Variants in DNAH2 observed in about 807,000 individuals in gnomAD.
DNAH2 encodes dynein axonemal heavy chain 2.
A neutral mutation model predicts 523.5 loss-of-function variants in DNAH2; 323 were observed. That is an observed-to-expected ratio of 0.62 (90% confidence interval 0.56 to 0.68). DNAH2 has a LOEUF of 0.68. DNAH2 is among the 30% of genes least tolerant of loss of function. The pLI is 0.00. For synonymous variants in DNAH2, 2,093 were observed against 2,177.4 expected (o/e 0.96, Z 1.08); for missense variants, 4,907 against 5,701.5 (o/e 0.86, Z 4.49).
intron 58 of DNAH2, among the ~76,000 whole-genome samples, chr17:7,803,801 G>A (rs374523088): frequency 1.4e-4 from 19 of 135,670 alleles, no homozygotes; most frequent in Non-Finnish European, 2.6e-4. Context: ...ATAACAAGAC[G>A]CCATCTCTAC....
intron 22 of DNAH2, among the ~76,000 whole-genome samples, chr17:7,767,402 G>A (rs1027321920): frequency 6.6e-6 from 1 of 152,062 alleles, no homozygotes; most frequent in African/African-American, 2.4e-5. Context: ...ATGAACACGC[G>A]TGTACTTGTA....
Position 7,799,251 on chromosome 17 carries a change from T to C in DNAH2, c.8699+9T>C, listed in dbSNP as rs1338328806. On this transcript the variant is annotated intron_variant, in intron 56 of 85. Coordinates refer to ENST00000572933, the MANE Select transcript of DNAH2 (RefSeq NM_020877.5). The stretch of plus-strand genomic sequence containing the variant: ...ATGGGGGATCCCTTCAGGTGACTTC[T>C]GTGACATCCTTCTCTCAGCCCCTTC... The C allele has an allele frequency of 1.9e-6, 3 of 1,613,276 alleles. No individual in the cohort carries two copies. The highest frequency in any genetic ancestry group is 1.7e-5 in the Admixed American group (1 of 60,006).
chr17:7,742,274 A>G (rs1303648142), intron 11 of DNAH2, among the ~76,000 whole-genome samples: 2 of 152,094 alleles, frequency 1.3e-5, no homozygotes, highest in Non-Finnish European at 2.9e-5. Context: ...TACTAAAAAT[A>G]CAAAAAGTTA....
At chr17:7,808,770 C>T (rs563536451) in intron 63 of DNAH2, among the ~76,000 whole-genome samples, 2 of 152,204 alleles carry the variant, frequency 1.3e-5, no homozygotes, top group South Asian at 4.2e-4. Context: ...CCACCACGCC[C>T]GGCTGATTTT....
chr17:7,763,360 G>A (rs960103836), intron 18 of DNAH2, among the ~76,000 whole-genome samples: 6 of 152,070 alleles, frequency 3.9e-5, no homozygotes, highest in Admixed American at 6.6e-5. Flanking sequence ...GGGTTTCACC[G>A]TGGTCTCGAT....
chr17:7,804,568 G>A (rs2077314185), intron 59 of DNAH2, 102 bp downstream of exon 59: 8 of 1,329,218 alleles, frequency 6.0e-6, no homozygotes, highest in Non-Finnish European at 8.3e-6. Flanking sequence ...TTTAGTGACT[G>A]GGTGCAGTGG....
At chr17:7,811,266 A>T (rs2077510210) in intron 63 of DNAH2, among the ~76,000 whole-genome samples, 1 of 152,236 alleles carries the variant, frequency 6.6e-6, no homozygotes, top group Non-Finnish European at 1.5e-5. Context: ...CAATATACAG[A>T]AATTCCACAA....
chr17:7,803,589 G>T (rs1191206909), intron 58 of DNAH2, among the ~76,000 whole-genome samples: 1 of 152,130 alleles, frequency 6.6e-6, no homozygotes, highest in Non-Finnish European at 1.5e-5. Flanking sequence ...AGAATCATTT[G>T]AACCCGGGAG....
At chr17:7,809,268 G>C (rs916505966) in intron 63 of DNAH2, among the ~76,000 whole-genome samples, 1 of 152,108 alleles carries the variant, frequency 6.6e-6, no homozygotes, top group East Asian at 1.9e-4. Flanking sequence ...TCACTGGCTC[G>C]TCACCGTCAG....
At chr17:7,770,095 A>G (rs2076274278) in intron 24 of DNAH2, among the ~76,000 whole-genome samples, 157 bp from the exon 25 acceptor site, 1 of 152,180 alleles carries the variant, frequency 6.6e-6, no homozygotes, top group South Asian at 2.1e-4. Context: ...CAATCTTCGT[A>G]TTCCCCTGGT....
chr17:7,727,491 C>T (rs1218174206), intron 4 of DNAH2, among the ~76,000 whole-genome samples, 199 bp downstream of exon 4: 1 of 152,126 alleles, frequency 6.6e-6, no homozygotes, highest in Non-Finnish European at 1.5e-5. Context: ...CGGTGGCTCA[C>T]GCCTGTAATC....
At chr17:7,730,944 G>C (rs2074965517) in intron 4 of DNAH2, among the ~76,000 whole-genome samples, 1 of 151,980 alleles carries the variant, frequency 6.6e-6, no homozygotes, top group Non-Finnish European at 1.5e-5. Flanking sequence ...GTGAAACCCT[G>C]TCTCTACTAA....
rs375350675 is a variant in DNAH2 at position 7,807,973 on chromosome 17, C to T, written c.9729+387C>T. Among the ~76,000 whole-genome samples, 1 of 152,158 alleles carries T rather than the reference C, an allele frequency of 6.6e-6. No homozygotes were observed. The highest frequency in any genetic ancestry group is 2.4e-5 in the African/African-American group (1 of 41,434). On this transcript the variant is annotated intron_variant, in intron 63 of 85. Transcript: ENST00000572933. The surrounding 1 kb of genome is among the most constrained non-coding windows in gnomAD (Gnocchi z 5.6). Reference sequence around the variant, plus strand: ...TGTCGCTTCTGTGGACCAAGAACAACGTGAGGGTGTCTGTGCATATGTTGT... The same window carrying T: ...TGTCGCTTCTGTGGACCAAGAACAATGTGAGGGTGTCTGTGCATATGTTGT...
chr17:7,800,595 G>C (rs1050257473), intron 56 of DNAH2, among the ~76,000 whole-genome samples: 1 of 151,148 alleles, frequency 6.6e-6, no homozygotes, highest in South Asian at 2.1e-4. Context: ...GTCTGGGCGC[G>C]GTGGCTCATG....
chr17:7,746,993 TAAAA>T (rs768828946), intron 12 of DNAH2, among the ~76,000 whole-genome samples: 1 of 100,394 alleles, frequency 1.0e-5, no homozygotes, highest in Admixed American at 9.5e-5. Flanking sequence ...ATCTCAAAAT[TAAAA>T]AAAAAAAAAA....
At chr17:7,741,299 TTCCTTCCCTCCCTCCC>T in intron 11 of DNAH2, among the ~76,000 whole-genome samples, 1 of 62,450 alleles carries the variant, frequency 1.6e-5, no homozygotes. Context: ...TCTTTCTTCC[TTCCTTCCCTCCCTCCC>T]TCCCTCCCTC....
rs1158442048 is a variant in DNAH2, at chr17:7,818,788, C to A, written c.10670+12C>A. The A allele has an allele frequency of 1.2e-6, 2 of 1,613,838 alleles. No individual in the cohort carries two copies. Among genetic ancestry groups the A allele is most frequent in the South Asian group, 2.2e-5 (2 of 91,062 alleles). ...GATGAGATCCTGCGGTGAGGCCCTGCCTTCCCCTCCCACTGCCCCACGGGT... is the reference window on the plus strand; with the variant it reads ...GATGAGATCCTGCGGTGAGGCCCTGACTTCCCCTCCCACTGCCCCACGGGT... On this transcript the variant is annotated intron_variant, in intron 70 of 85. Transcript: ENST00000572933.
rs2076489028 is a variant in DNAH2, at chr17:7,777,534, A to G, written c.5147A>G (p.Glu1716Gly). The change falls in exon 33 of 86, where the codon GAA (glutamate) becomes GGA (glycine). Residue 1716 changes from glutamate to glycine, a missense_variant. Around this residue, in one of 3 missense-constraint regions of DNAH2, gnomAD observed 2,806 missense variants for 3,190.8 expected, o/e 0.88. Transcript: ENST00000572933. ...AAAATTGTGGCTCTGGTGACGATAGAAATTCATGCCCGGGATGTGTTGGAG... is the reference window on the plus strand; with the variant it reads ...AAAATTGTGGCTCTGGTGACGATAGGAATTCATGCCCGGGATGTGTTGGAG... The part of the protein sequence containing the change: ...RLKIVALVTI[E>G]IHARDVLEKL... 6.2e-7 allele frequency: 1 copy of G among 1,614,060 alleles called. No individual in the cohort carries two copies. The highest frequency in any genetic ancestry group is 1.3e-5 in the African/African-American group (1 of 74,900).
chr17:7,820,315 GT>G (rs1453156077), intron 72 of DNAH2, among the ~76,000 whole-genome samples: 9 of 152,066 alleles, frequency 5.9e-5, no homozygotes, highest in Non-Finnish European at 1.3e-4. Flanking sequence ...CCACCCTCCT[GT>G]ATTGCCCACC....
Sources: gnomAD v4.1 joint callset for allele counts (sites outside exome capture counted in the v4.1 genomes callset) on GRCh38, gnomAD v4.1.1 for gene constraint, gnomAD v4.1.1 regional missense constraint, Gnocchi (gnomAD v3.1) non-coding constraint, MANE v1.5 for transcripts, NCBI Gene and HGNC (gene_info 2026-07-23, HGNC 2026-07-21) for gene names.